Variants in SREBF2 observed in about 807,000 individuals in gnomAD.
The protein encoded by SREBF2 is sterol regulatory element-binding protein 2.
Under a neutral mutation model 113.1 loss-of-function variants are expected in SREBF2, and 55 were observed. The ratio of observed to expected loss-of-function variants is 0.49; its 90% CI spans 0.39 to 0.61. The LOEUF (loss-of-function observed/expected upper bound fraction) is 0.61. SREBF2 is among the 20% of genes least tolerant of loss of function. The pLI is 0.00. For synonymous variants in SREBF2, 593 were observed against 605.7 expected (o/e 0.98, Z 0.31); for missense variants, 1,349 against 1,487.4 (o/e 0.91, Z 1.53).
At position 41,905,575 on chromosome 22, in the gene SREBF2, A is replaced by G; in HGVS notation, c.3341A>G (p.Glu1114Gly). ...CTGGCCGAAGCTGCCCGCACCCTGG[A>G]GAAGGTGGGCGACCGGCGCTCCTGC... ...VLLAEAARTL[E>G]KVGDRRSCND... The change falls in exon 19 of 19, where the codon GAG (glutamate) becomes GGG (glycine). Residue 1114 changes from glutamate to glycine, a missense_variant. Physicochemically the swap from Glu to Gly is moderately conservative, Grantham distance 98. Transcript: ENST00000361204. 1.3e-6 allele frequency: 2 copies of G among 1,598,172 alleles called. No individual in the cohort carries two copies. Among genetic ancestry groups the G allele is most frequent in the Non-Finnish European group, 1.7e-6 (2 of 1,173,278 alleles).
At chr22:41,869,656 T>G (rs1480071909) in intron 3 of SREBF2, among the ~76,000 whole-genome samples, 1 of 150,348 alleles carries the variant, frequency 6.7e-6, no homozygotes, top group Non-Finnish European at 1.5e-5. Context: ...GCTAGTTTTT[T>G]GTATTTTTAG....
chr22:41,861,310 C>A (rs572648217), intron 1 of SREBF2, among the ~76,000 whole-genome samples: 1 of 151,728 alleles, frequency 6.6e-6, no homozygotes, highest in Non-Finnish European at 1.5e-5. Flanking sequence ...GGTGAAACCC[C>A]CTCTCTACTA....
rs554256756 is a variant in SREBF2, at chr22:41,871,709, C to T, written c.867+674C>T. The stretch of plus-strand genomic sequence containing the variant: ...GAGTTTGAGACCAGCCTGGCCAACA[C>T]GGTGAAACCCCATTTCTACTAAAAA... On this transcript the variant is annotated intron_variant, in intron 4 of 18. Transcript: ENST00000361204. 3.3e-5 allele frequency among the ~76,000 whole-genome samples: 5 copies of T among 151,230 alleles called. No homozygotes were observed. The South Asian group carries it at 1.0e-3, about 32-fold the overall frequency.
rs748085134 is a variant in SREBF2, at chr22:41,878,015, C to T, written c.1653C>T (p.Ser551=). The change falls in exon 9 of 19, where the codon AGC becomes AGT. Residue 551 remains serine, a synonymous_variant. Transcript: ENST00000361204. ...TGGTAAATGGTGTGATTGTCCTGAG[C>T]GTCTTTGTGAAGCTGCTGGTTCATG... ...LWLVNGVIVL[S]VFVKLLVHGE... The T allele has an allele frequency of 6.8e-6, 11 of 1,613,994 alleles. No homozygotes were observed. Among genetic ancestry groups the T allele is most frequent in the African/African-American group, 1.3e-5 (1 of 74,882 alleles).
At chr22:41,895,622 G>C (rs2077408491) in intron 13 of SREBF2, among the ~76,000 whole-genome samples, 1 of 150,704 alleles carries the variant, frequency 6.6e-6, no homozygotes, top group Non-Finnish European at 1.5e-5. Context: ...TTTTAGTAGA[G>C]ATGAGGTTTC....
At position 41,875,578 on chromosome 22, in the gene SREBF2, G is replaced by C; in HGVS notation, c.1240G>C (p.Asp414His). 1 of 1,614,224 alleles carries C rather than the reference G, an allele frequency of 6.2e-7. No homozygotes were observed. The highest frequency in any genetic ancestry group is 1.1e-5 in the South Asian group (1 of 91,082). ...LKGIDLGSLV[D>H]NEVDLKIEDF... ...GGGCATCGACCTAGGCAGTCTGGTG[G>C]ACAATGAGGTGGACCTGAAGATCGA... The change falls in exon 7 of 19, where the codon GAC becomes CAC. Residue 414 changes from aspartate (D) to histidine (H), a missense_variant. Coordinates refer to ENST00000361204, the MANE Select transcript of SREBF2 (RefSeq NM_004599.4).
At chr22:41,891,724 G>T (rs949340966) in intron 11 of SREBF2, among the ~76,000 whole-genome samples, 1 of 152,144 alleles carries the variant, frequency 6.6e-6, no homozygotes, top group Non-Finnish European at 1.5e-5. Context: ...TGCGGGCCTC[G>T]GCCTGGCAGC....
intron 10 of SREBF2, among the ~76,000 whole-genome samples, chr22:41,882,395 A>C (rs1375288039): frequency 6.6e-6 from 1 of 152,208 alleles, no homozygotes; most frequent in Admixed American, 6.5e-5. Flanking sequence ...GGTGAGCTGG[A>C]CATGCAGGAT....
chr22:41,894,976 T>A, intron 13 of SREBF2, 39 bp downstream of exon 13: 2 of 1,553,656 alleles, frequency 1.3e-6, no homozygotes, highest in Non-Finnish European at 1.8e-6. Flanking sequence ...TTAGGACCTG[T>A]CCACGCAGGC....
chr22:41,900,220 T>A (rs2148419392), intron 15 of SREBF2, 110 bp from the exon 16 acceptor site: 1 of 1,546,556 alleles, frequency 6.5e-7, no homozygotes, highest in East Asian at 2.4e-5. Flanking sequence ...AGTCAACAGA[T>A]GCACATGTCA....
chr22:41,836,350 A>G (rs186905878), intron 1 of SREBF2, among the ~76,000 whole-genome samples: 109 of 152,366 alleles, frequency 7.2e-4, no homozygotes, highest in Non-Finnish European at 2.1e-4. Context: ...TAGTGCCAGT[A>G]TGGAACAGCT....
intron 13 of SREBF2, among the ~76,000 whole-genome samples, chr22:41,895,750 T>A (rs1181650806): frequency 1.3e-5 from 2 of 152,124 alleles, no homozygotes; most frequent in African/African-American, 4.8e-5. Flanking sequence ...CACCCATTTT[T>A]ATGTATCCCT....
intron 15 of SREBF2, chr22:41,899,619 A>C: frequency 1.2e-5 from 12 of 979,040 alleles, no homozygotes; most frequent in Non-Finnish European, 1.5e-5. Flanking sequence ...ATTTCATTGA[A>C]GTAGCCCCAT....
intron 1 of SREBF2, among the ~76,000 whole-genome samples, chr22:41,850,561 G>A (rs1167119969): frequency 1.3e-5 from 2 of 152,068 alleles, no homozygotes; most frequent in African/African-American, 4.8e-5. Flanking sequence ...AAGTTGTGAT[G>A]AGCATAAATG....
At chr22:41,900,278 C>G in intron 15 of SREBF2, 52 bp from the exon 16 acceptor site, 1 of 1,598,118 alleles carries the variant, frequency 6.3e-7, no homozygotes, top group Non-Finnish European at 8.5e-7. Flanking sequence ...CTCTGCCTGT[C>G]ACGCAGGTGA....
intron 1 of SREBF2, among the ~76,000 whole-genome samples, chr22:41,861,205 C>T (rs1375787324): frequency 1.3e-5 from 2 of 151,964 alleles, no homozygotes; most frequent in East Asian, 1.9e-4. Flanking sequence ...GACAATGGGC[C>T]GGGCGCTGTG....
chr22:41,904,563 C>A, intron 17 of SREBF2: 1 of 596,310 alleles, frequency 1.7e-6, no homozygotes. Context: ...GGGCTTCACC[C>A]AGGGCACTTG....
chr22:41,866,426 T>C (rs2077075604), intron 1 of SREBF2, among the ~76,000 whole-genome samples: 1 of 152,180 alleles, frequency 6.6e-6, no homozygotes, highest in African/African-American at 2.4e-5. Flanking sequence ...GCCGTGCACC[T>C]ATAGTCCCAG....
At chr22:41,879,646 C>A (rs912479334) in intron 9 of SREBF2, among the ~76,000 whole-genome samples, 4 of 152,222 alleles carry the variant, frequency 2.6e-5, no homozygotes, top group Non-Finnish European at 2.9e-5. Context: ...GTGAGGACAT[C>A]TTTTCTTTTC....
Sources: allele counts gnomAD v4.1 joint callset (sites outside exome capture counted in the v4.1 genomes callset), GRCh38; gene constraint gnomAD v4.1.1; transcripts MANE v1.5; gene names NCBI Gene and HGNC (gene_info 2026-07-23, HGNC 2026-07-21).